Variants in CSGALNACT1 observed in about 807,000 individuals in gnomAD.
CSGALNACT1 encodes beta4GalNAcT-1.
A neutral mutation model predicts 51.0 loss-of-function variants in CSGALNACT1; 52 were observed. That is an observed-to-expected ratio of 1.02 (90% CI 0.82 to 1.29). The LOEUF is 1.29. CSGALNACT1 is among the 50% of genes most tolerant of loss of function. The pLI is 0.00. For missense variants in CSGALNACT1, 935 were observed against 679.2 expected (o/e 1.38, Z -4.19); for synonymous variants, 341 against 254.4 (o/e 1.34, Z -3.24).
At chr8:19,462,033 C>T (rs928078443) in intron 4 of CSGALNACT1, among the ~76,000 whole-genome samples, 4 of 152,118 alleles carry the variant, frequency 2.6e-5, no homozygotes, top group East Asian at 1.9e-4. Flanking sequence ...CAGCCACATT[C>T]GCCGTGGAGG....
chr8:19,556,226 G>A (rs542241060), intron 3 of CSGALNACT1, among the ~76,000 whole-genome samples: 30 of 151,144 alleles, frequency 2.0e-4, no homozygotes, highest in African/African-American at 5.4e-4. Flanking sequence ...AATACAAAAA[G>A]TTAGCTGGGC....
chr8:19,407,531 T>C (rs1172434174), intron 9 of CSGALNACT1, among the ~76,000 whole-genome samples: 1 of 152,006 alleles, frequency 6.6e-6, no homozygotes, highest in African/African-American at 2.4e-5. Flanking sequence ...GATCCAAGAG[T>C]CAGTATTGCT....
chr8:19,573,480 G>A (rs1313674051), intron 3 of CSGALNACT1, among the ~76,000 whole-genome samples: 1 of 150,556 alleles, frequency 6.6e-6, no homozygotes, highest in Non-Finnish European at 1.5e-5. Flanking sequence ...GTCTCACTCC[G>A]TTGCCCAGGC....
intron 8 of CSGALNACT1, among the ~76,000 whole-genome samples, chr8:19,410,978 C>T (rs777155798): frequency 1.3e-5 from 2 of 152,198 alleles, no homozygotes; most frequent in African/African-American, 4.8e-5. Flanking sequence ...GATTATATCA[C>T]GTTCCCATGT....
chr8:19,680,026 T>A (rs1353374289), intron 1 of CSGALNACT1, among the ~76,000 whole-genome samples: 1 of 152,132 alleles, frequency 6.6e-6, no homozygotes, highest in Non-Finnish European at 1.5e-5. Flanking sequence ...CGACAAACTT[T>A]AGTTCTGAAA....
chr8:19,417,625 A>G (rs1054207555), intron 8 of CSGALNACT1, among the ~76,000 whole-genome samples: 6 of 152,154 alleles, frequency 3.9e-5, no homozygotes, highest in Non-Finnish European at 7.3e-5. Context: ...CCTCCACCCT[A>G]AGGGGTCCTC....
At chr8:19,600,550 C>T (rs904992143) in intron 2 of CSGALNACT1, among the ~76,000 whole-genome samples, 1 of 152,186 alleles carries the variant, frequency 6.6e-6, no homozygotes, top group Non-Finnish European at 1.5e-5. Flanking sequence ...GTTCCATACG[C>T]CCTTCAAGTT....
At chr8:19,641,565 T>C (rs991347993) in intron 1 of CSGALNACT1, among the ~76,000 whole-genome samples, 5 of 152,122 alleles carry the variant, frequency 3.3e-5, no homozygotes, top group Admixed American at 1.3e-4. Flanking sequence ...AAGAAGTACA[T>C]TGTAAAAAAT....
At chr8:19,458,611 T>C (rs967985209) in exon 5 of CSGALNACT1, 28 of 1,613,884 alleles carry the variant, frequency 1.7e-5, no homozygotes, top group Non-Finnish European at 2.4e-5. Flanking sequence ...GCTCATACAA[T>C]GTCCCTTTGT....
chr8:19,666,893 G>GAAA, intron 1 of CSGALNACT1, among the ~76,000 whole-genome samples: 1 of 128,082 alleles, frequency 7.8e-6, no homozygotes, highest in Admixed American at 8.5e-5. Flanking sequence ...AAGAGAGAGA[G>GAAA]GAAGTGAGGA....
intron 3 of CSGALNACT1, among the ~76,000 whole-genome samples, chr8:19,586,974 G>C (rs781326668): frequency 3.9e-5 from 6 of 152,152 alleles, no homozygotes; most frequent in Admixed American, 2.0e-4. Context: ...GGGAAACGCT[G>C]GTCTCATGTG....
chr8:19,636,868 AG>A (rs2056138422), intron 1 of CSGALNACT1, among the ~76,000 whole-genome samples: 1 of 152,176 alleles, frequency 6.6e-6, no homozygotes, highest in Non-Finnish European at 1.5e-5. Flanking sequence ...GAAGAAAGCA[AG>A]GACATGCTAC....
chr8:19,685,206 G>C (rs1050566741), upstream of CSGALNACT1, among the ~76,000 whole-genome samples: 1 of 152,190 alleles, frequency 6.6e-6, no homozygotes, highest in African/African-American at 2.4e-5. Context: ...CTTATTCCCA[G>C]TTGGCAAGAT....
intron 3 of CSGALNACT1, among the ~76,000 whole-genome samples, chr8:19,549,592 G>A (rs2087405016): frequency 6.7e-6 from 1 of 150,138 alleles, no homozygotes; most frequent in Non-Finnish European, 1.5e-5. Flanking sequence ...ATGTTCAAAG[G>A]TCACCCTGAA....
chr8:19,728,832 C>T (rs2063541512), intron 1 of CSGALNACT1, among the ~76,000 whole-genome samples: 1 of 152,032 alleles, frequency 6.6e-6, no homozygotes, highest in African/African-American at 2.4e-5. Context: ...TTTTCCTCAA[C>T]CCCCAAAAGG....
At chr8:19,545,799 A>G (rs1255719953) in intron 3 of CSGALNACT1, among the ~76,000 whole-genome samples, 2 of 148,524 alleles carry the variant, frequency 1.3e-5, no homozygotes, top group African/African-American at 4.9e-5. Flanking sequence ...CACACATTAT[A>G]TATCTATATA....
At chr8:19,430,208 C>T (rs946468367) in intron 6 of CSGALNACT1, among the ~76,000 whole-genome samples, 4 of 152,096 alleles carry the variant, frequency 2.6e-5, no homozygotes, top group African/African-American at 9.7e-5. Context: ...TGATAAAGTT[C>T]AACTTATCTG....
intron 4 of CSGALNACT1, among the ~76,000 whole-genome samples, chr8:19,470,176 G>T (rs576631085): frequency 1.3e-5 from 2 of 152,278 alleles, no homozygotes; most frequent in Admixed American, 1.3e-4. Context: ...ACAAAGAAGG[G>T]TTACCTAGTT....
intron 9 of CSGALNACT1, among the ~76,000 whole-genome samples, chr8:19,407,906 TGTGTGTGTGTGTG>T (rs1230562181): frequency 5.5e-4 from 25 of 45,648 alleles, no homozygotes; most frequent in African/African-American, 2.5e-3. Context: ...GTATATGAAT[TGTGTGTGTGTGTG>T]TGTGTGTGTG....
Sources: gnomAD v4.1 joint callset for allele counts (sites outside exome capture counted in the v4.1 genomes callset) on GRCh38, gnomAD v4.1.1 for gene constraint, MANE v1.5 for transcripts, NCBI Gene and HGNC (gene_info 2026-07-23, HGNC 2026-07-21) for gene names.